OSBPL8: variants seen among roughly 807,000 people sequenced by gnomAD.
OSBPL8 encodes oxysterol-binding protein-related protein 8.
Under a neutral mutation model 125.5 loss-of-function variants are expected in OSBPL8, and 59 were observed. The ratio of observed to expected loss-of-function variants is 0.47; its 90% confidence interval spans 0.38 to 0.58. The LOEUF is 0.58. Among genes scored for constraint, OSBPL8 ranks in the 20% least tolerant of loss-of-function variants. The pLI is 0.00. For missense variants in OSBPL8, 758 were observed against 1,047.8 expected, an observed-to-expected ratio of 0.72 and a Z score of 3.82; for synonymous variants, 330 against 338.9, an observed-to-expected ratio of 0.97 and a Z score of 0.29.
intron 4 of OSBPL8, among the ~76,000 whole-genome samples, chr12:76,441,808 G>A (rs1426201348): frequency 1.3e-5 from 2 of 151,934 alleles, no homozygotes; most frequent in African/African-American, 4.8e-5. Context: ...GGGTGGGGTG[G>A]GGAAAGCTGG....
At chr12:76,434,931 G>T (rs1482752723) in intron 4 of OSBPL8, among the ~76,000 whole-genome samples, 1 of 152,096 alleles carries the variant, frequency 6.6e-6, no homozygotes, top group African/African-American at 2.4e-5. Flanking sequence ...CATCTATTAT[G>T]GAAAGCAGTA....
chr12:76,493,033 T>C (rs1041303995), intron 1 of OSBPL8, among the ~76,000 whole-genome samples: 7 of 152,210 alleles, frequency 4.6e-5, no homozygotes, highest in African/African-American at 1.7e-4. Flanking sequence ...TCAAAAATAG[T>C]TGGAAACCAC....
chr12:76,396,216 G>A lies in OSBPL8; in HGVS notation c.672+1478C>T, dbSNP rs538094740. Among the ~76,000 whole-genome samples the A allele has an allele frequency of 1.2e-4, 18 of 152,028 alleles. No individual in the cohort carries two copies. In the East Asian group the frequency reaches 3.1e-3, roughly 26 times the overall value. On this transcript the variant is annotated intron_variant, in intron 8 of 23. Transcript: ENST00000261183. Reference sequence around the variant, plus strand: ...CCTAACCTCAGAATGGAACTAACTCGGTGATCCCAAATGTATTCTCGCTGT... The same window carrying A: ...CCTAACCTCAGAATGGAACTAACTCAGTGATCCCAAATGTATTCTCGCTGT...
At chr12:76,401,339 A>T (rs1954044503) in intron 6 of OSBPL8, among the ~76,000 whole-genome samples, 1 of 152,184 alleles carries the variant, frequency 6.6e-6, no homozygotes, top group South Asian at 2.1e-4. Flanking sequence ...TGTCTGTATC[A>T]TTCTCATTAT....
intron 22 of OSBPL8, among the ~76,000 whole-genome samples, chr12:76,357,562 CAT>C (rs749960508): frequency 6.6e-6 from 1 of 152,190 alleles, no homozygotes; most frequent in Non-Finnish European, 1.5e-5. Context: ...TGGTATGCCA[CAT>C]GACTCCTGCT....
chr12:76,407,679 T>A (rs1019498214), intron 5 of OSBPL8, among the ~76,000 whole-genome samples: 26 of 152,220 alleles, frequency 1.7e-4, no homozygotes, highest in African/African-American at 6.0e-4. Context: ...ATGAGTATAA[T>A]TTTACTTATA....
chr12:76,468,820 C>G (rs1013063597), intron 2 of OSBPL8, among the ~76,000 whole-genome samples: 1 of 152,148 alleles, frequency 6.6e-6, no homozygotes, highest in Non-Finnish European at 1.5e-5. Flanking sequence ...GAACTTTCTA[C>G]GACGATAGAA....
intron 4 of OSBPL8, among the ~76,000 whole-genome samples, chr12:76,414,619 T>C (rs1565878043): frequency 6.6e-6 from 1 of 151,180 alleles, no homozygotes; most frequent in African/African-American, 2.4e-5. Context: ...GCCTGACTTT[T>C]TTGTTGTTGT....
chr12:76,403,618 T>C (rs1356491292), intron 5 of OSBPL8, among the ~76,000 whole-genome samples: 1 of 152,204 alleles, frequency 6.6e-6, no homozygotes, highest in African/African-American at 2.4e-5. Flanking sequence ...AAATTAAACA[T>C]ACTCCTTCAA....
rs1953468897 is a variant in OSBPL8 at position 76,389,545 on chromosome 12, G to C, written c.1352+100C>G. ...GAGAACAGAGAGTGATGTCTCATTA[G>C]AGCCTGATTTTGGAAACAAACGATA... is the stretch of plus-strand genomic sequence containing the variant. On this transcript the variant is annotated intron_variant, in intron 12 of 23. Transcript: ENST00000261183. The C allele has an allele frequency of 2.4e-5, 23 of 968,340 alleles. 2 individuals carry two copies. The highest frequency in any genetic ancestry group is 3.1e-5 in the Non-Finnish European group (21 of 677,444). The allele number at this position is 968,340 out of a possible 1,614,324, so 60.0% of individuals were successfully genotyped here.
At chr12:76,526,133 A>T (rs1469193018) in intron 1 of OSBPL8, among the ~76,000 whole-genome samples, 10 of 152,238 alleles carry the variant, frequency 6.6e-5, no homozygotes, top group Admixed American at 2.6e-4. Context: ...ACACTATTTC[A>T]ATTTTAATTC....
At chr12:76,494,251 T>C (rs1481116037) in intron 1 of OSBPL8, among the ~76,000 whole-genome samples, 1 of 152,198 alleles carries the variant, frequency 6.6e-6, no homozygotes, top group Non-Finnish European at 1.5e-5. Context: ...TTGTTCATTG[T>C]ATGGAGTAAT....
chr12:76,392,607 G>A lies in OSBPL8; in HGVS notation c.903C>T (p.Asn301=). The change falls in exon 10 of 24, where the codon AAC becomes AAT. Residue 301 remains asparagine, a synonymous_variant. Transcript: ENST00000261183. ...GGAAGTTATCACCACTGTGGAGATT[G>A]TTAGCACGTAGTAAGCCATAGAAAG... is the stretch of plus-strand genomic sequence containing the variant. ...HVTFYGLLRA[N]NLHSGDNFQL... The A allele has an allele frequency of 1.2e-6, 2 of 1,613,420 alleles. No homozygotes were observed. The highest frequency in any genetic ancestry group is 1.7e-6 in the Non-Finnish European group (2 of 1,179,464).
intron 19 of OSBPL8, among the ~76,000 whole-genome samples, chr12:76,370,491 G>T (rs536704969): frequency 7.9e-5 from 12 of 152,204 alleles, no homozygotes; most frequent in Admixed American, 6.5e-4. Context: ...AAAGGCTTTG[G>T]GATCAGATAG....
At chr12:76,442,897 A>G (rs1386621957) in intron 4 of OSBPL8, among the ~76,000 whole-genome samples, 1 of 152,212 alleles carries the variant, frequency 6.6e-6, no homozygotes, top group African/African-American at 2.4e-5. Flanking sequence ...CTGGTACAGT[A>G]TCTTCACATC....
At chr12:76,528,723 G>C (rs573533875) in intron 1 of OSBPL8, among the ~76,000 whole-genome samples, 8 of 152,010 alleles carry the variant, frequency 5.3e-5, no homozygotes, top group Non-Finnish European at 7.4e-5. Flanking sequence ...ATTAGCTATA[G>C]CTATAGCTAC....
chr12:76,424,942 A>T (rs988174994), intron 4 of OSBPL8, among the ~76,000 whole-genome samples: 1 of 152,222 alleles, frequency 6.6e-6, no homozygotes, highest in Non-Finnish European at 1.5e-5. Flanking sequence ...ACAAGTAGTC[A>T]TGGTCTTGCA....
intron 1 of OSBPL8, among the ~76,000 whole-genome samples, chr12:76,505,051 T>C (rs1880277327): frequency 6.6e-6 from 1 of 152,106 alleles, no homozygotes; most frequent in South Asian, 2.1e-4. Flanking sequence ...CAAACTATTC[T>C]TGAAAAACCC....
At chr12:76,521,762 A>G (rs2137265481) in intron 1 of OSBPL8, among the ~76,000 whole-genome samples, 1 of 152,334 alleles carries the variant, frequency 6.6e-6, no homozygotes, top group South Asian at 2.1e-4. Context: ...GTAGAGACAG[A>G]AAGTGGAATG....
Sources: gnomAD v4.1 joint callset for allele counts (sites outside exome capture counted in the v4.1 genomes callset) on GRCh38, gnomAD v4.1.1 for gene constraint, MANE v1.5 for transcripts, NCBI Gene and HGNC (gene_info 2026-07-23, HGNC 2026-07-21) for gene names.